FAXC: variants seen among roughly 807,000 people sequenced by gnomAD.
The protein encoded by FAXC is failed axon connections homolog.
FAXC carries 10 observed loss-of-function variants against 41.9 expected under a neutral mutation model. The ratio of observed to expected loss-of-function variants is 0.24; its 90% confidence interval spans 0.15 to 0.41. The LOEUF (loss-of-function observed/expected upper bound fraction) is 0.41. Among genes scored for constraint, FAXC ranks in the 10% least tolerant of loss-of-function variants. FAXC has a pLI of 1.00. For missense variants in FAXC, 399 were observed against 510.9 expected (o/e 0.78, Z 2.11); for synonymous variants, 183 against 183.8 (o/e 1.00, Z 0.03).
rs1562192250 is a variant in FAXC, at chr6:99,349,150, G to A, written c.223C>T (p.Leu75=). The A allele has an allele frequency of 1.2e-6, 2 of 1,613,678 alleles. No homozygotes were observed. Among genetic ancestry groups the A allele is most frequent in the Non-Finnish European group, 1.7e-6 (2 of 1,179,984 alleles). The change falls in exon 1 of 6, where the codon CTG becomes TTG. Residue 75 remains leucine (L), a synonymous_variant. Coordinates refer to ENST00000389677, the MANE Select transcript of FAXC (RefSeq NM_032511.4). ...TGGAGCAGATACGCAGCTGCGGCCAGCAAAGCTCCCCCGGTCAAGTAAAGG... is the reference window on the plus strand; with the variant it reads ...TGGAGCAGATACGCAGCTGCGGCCAACAAAGCTCCCCCGGTCAAGTAAAGG... The part of the protein sequence containing the change: ...KTLYLTGGAL[L]AAAAYLLHEL...
chr6:99,314,362 C>T (rs1772254436), intron 4 of FAXC, among the ~76,000 whole-genome samples: 1 of 152,152 alleles, frequency 6.6e-6, no homozygotes, highest in African/African-American at 2.4e-5. Flanking sequence ...CTTATCTTTC[C>T]TGGACCCTGT....
intron 4 of FAXC, among the ~76,000 whole-genome samples, chr6:99,296,248 G>A (rs1443982279): frequency 6.7e-6 from 1 of 148,260 alleles, no homozygotes; most frequent in Non-Finnish European, 1.5e-5. Flanking sequence ...AGCACTCTTG[G>A]GGTTTGCAAA....
At chr6:99,324,854 T>C (rs918533898) in intron 3 of FAXC, among the ~76,000 whole-genome samples, 26 of 152,208 alleles carry the variant, frequency 1.7e-4, no homozygotes, top group African/African-American at 6.0e-4. Flanking sequence ...CCTCTACTCT[T>C]AGTGCTGGCT....
chr6:99,291,378 A>C (rs1771234898), intron 5 of FAXC, among the ~76,000 whole-genome samples: 1 of 152,256 alleles, frequency 6.6e-6, no homozygotes, highest in African/African-American at 2.4e-5. Flanking sequence ...CACTAGGTGG[A>C]ATTCAAGCCC....
chr6:99,326,942 AC>A (rs1253533412), intron 3 of FAXC, among the ~76,000 whole-genome samples: 9 of 152,194 alleles, frequency 5.9e-5, no homozygotes, highest in Non-Finnish European at 8.8e-5. Flanking sequence ...GTTCTGGGCC[AC>A]ACAACTTGGC....
chr6:99,311,343 G>A lies in FAXC; in HGVS notation c.823+12101C>T, dbSNP rs879916997. ...TTTAATCCCAACACTTTGGGAGGCC[G>A]AGGTGGGTGGATCACGAGGTCAGGA... On this transcript the variant is annotated intron_variant, in intron 4 of 5. Transcript: ENST00000389677. Among the ~76,000 whole-genome samples, 14 of 152,258 alleles carry A rather than the reference G, an allele frequency of 9.2e-5. 1 individual carries two copies. Among genetic ancestry groups the A allele is most frequent in the Admixed American group, 7.8e-4 (12 of 15,292 alleles).
intron 1 of FAXC, among the ~76,000 whole-genome samples, chr6:99,345,771 G>T (rs1456066983): frequency 6.6e-6 from 1 of 152,224 alleles, no homozygotes; most frequent in African/African-American, 2.4e-5. Context: ...CACTGGTAAT[G>T]AAGTTAGTAC....
At position 99,342,967 on chromosome 6, in the gene FAXC, A is replaced by T. The variant is rs765572231; in HGVS notation, c.333T>A (p.Gly111=). The change falls in exon 2 of 6, where the codon GGT becomes GGA. Residue 111 remains glycine (G), a synonymous_variant. Transcript: ENST00000389677. ...AACAGAAAGGAGATAAACTTGGAAC[A>T]CCATTGTTAGGTCTTGCAAACTGAT... ...ILHQFARPNN[G]VPSLSPFCLK... is the part of the protein sequence containing the mutation. 1 of 1,612,454 alleles carries T rather than the reference A, an allele frequency of 6.2e-7. No homozygotes were observed. Among genetic ancestry groups the T allele is most frequent in the Non-Finnish European group, 8.5e-7 (1 of 1,179,520 alleles).
chr6:99,293,704 GTGTGTGTGTC>G (rs1283843244), intron 4 of FAXC, among the ~76,000 whole-genome samples: 173 of 101,970 alleles, frequency 1.7e-3, no homozygotes, highest in Admixed American at 2.4e-3. Context: ...GTGTGTGTGT[GTGTGTGTGTC>G]TGTGTGTGTG....
intron 4 of FAXC, among the ~76,000 whole-genome samples, chr6:99,322,213 A>G (rs13216699): frequency 0.12 from 18,154 of 152,198 alleles, 1,375 homozygotes; most frequent in Non-Finnish European, 0.17. Context: ...CCCCACCCCC[A>G]GAACATAACT....
intron 5 of FAXC, among the ~76,000 whole-genome samples, chr6:99,289,397 T>A (rs369466168): frequency 1.3e-5 from 2 of 152,178 alleles, no homozygotes; most frequent in Non-Finnish European, 2.9e-5. Context: ...ATACCTGTTA[T>A]CTCAGCTACT....
Position 99,349,199 on chromosome 6 carries a change from G to A in FAXC, c.174C>T (p.Gly58=). 6.2e-7 allele frequency: 1 copy of A among 1,613,878 alleles called. No individual in the cohort carries two copies. Reference sequence around the variant, plus strand: ...GGGTTTTCTTCCACCAGGGATCGGAGCCCAGCCCTGCCATGATCCCACCGT... The same window carrying A: ...GGGTTTTCTTCCACCAGGGATCGGAACCCAGCCCTGCCATGATCCCACCGT... ...QDYGGIMAGL[G]SDPWWKKTLY... Residue 58 remains glycine (G), a synonymous_variant, in exon 1 of 6, where the codon GGC becomes GGT. Transcript: ENST00000389677.
chr6:99,348,263 A>G (rs1320993523), intron 1 of FAXC, among the ~76,000 whole-genome samples: 1 of 152,208 alleles, frequency 6.6e-6, no homozygotes, highest in African/African-American at 2.4e-5. Context: ...GCTCAAATGC[A>G]TGGAAATTTT....
At chr6:99,330,402 G>A (rs568832179) in intron 3 of FAXC, among the ~76,000 whole-genome samples, 2 of 152,242 alleles carry the variant, frequency 1.3e-5, no homozygotes, top group South Asian at 2.1e-4. Flanking sequence ...GTACAACAAA[G>A]GGGATTTTTA....
intron 1 of FAXC, among the ~76,000 whole-genome samples, chr6:99,347,089 C>G (rs972103307): frequency 4.0e-5 from 6 of 151,214 alleles, no homozygotes; most frequent in Admixed American, 4.0e-4. Context: ...TAGTGAGACC[C>G]CATCTCCACA....
rs918469114 is a variant in FAXC at position 99,279,890 on chromosome 6, C to T, written c.*1274G>A. 1.1e-4 allele frequency: 17 copies of T among 152,214 alleles called. No individual in the cohort carries two copies. The highest frequency in any genetic ancestry group is 1.9e-4 in the Non-Finnish European group (13 of 68,036). The allele number at this position is 152,214 out of a possible 1,614,324, so 9.4% of individuals were successfully genotyped here. ...ATTAATAAAACTGCATATAGTCTAA[C>T]ACTGCACAGAGTGCTTTGATACAAG... On this transcript the variant is annotated 3_prime_UTR_variant, in exon 6 of 6. Transcript: ENST00000389677.
At chr6:99,292,999 G>A (rs572966890) in intron 4 of FAXC, among the ~76,000 whole-genome samples, 3 of 152,092 alleles carry the variant, frequency 2.0e-5, no homozygotes, top group Admixed American at 6.5e-5. Flanking sequence ...TAGAGACAGG[G>A]TTTCGCCATG....
chr6:99,318,306 C>CAA lies in FAXC; in HGVS notation c.823+5136_823+5137dup, dbSNP rs1554201375. 1.2e-3 allele frequency among the ~76,000 whole-genome samples: 163 copies of CAA among 135,316 alleles called. 6 individuals carry two copies. The highest frequency in any genetic ancestry group is 3.2e-3 in the South Asian group (13 of 4,090). The allele number at this position is 135,316 out of a possible 152,430, so 88.8% of individuals were successfully genotyped here. A position where few individuals can be genotyped will look rare whatever the true frequency, so the allele number is the denominator to read the frequency against. On this transcript the variant is annotated intron_variant, in intron 4 of 5. Transcript: ENST00000389677. The stretch of plus-strand genomic sequence containing the variant: ...ACACACACACACACACACACACACA[C>CAA]AAAATAGAAGAAATGGAAAATATAT...
chr6:99,284,960 T>C (rs563056319), intron 5 of FAXC, among the ~76,000 whole-genome samples: 8 of 149,670 alleles, frequency 5.3e-5, no homozygotes, highest in Non-Finnish European at 1.0e-4. Flanking sequence ...TGCAAAATAA[T>C]AGAAAAACTG....
Sources: allele counts gnomAD v4.1 joint callset (sites outside exome capture counted in the v4.1 genomes callset), GRCh38; gene constraint gnomAD v4.1.1; transcripts MANE v1.5; gene names NCBI Gene and HGNC (gene_info 2026-07-23, HGNC 2026-07-21).